Variants in MINDY3 observed in about 807,000 individuals in gnomAD.
MINDY3 encodes the protein MINDY lysine 48 deubiquitinase 3, also known as ubiquitin carboxyl-terminal hydrolase MINDY-3.
In MINDY3, 38 loss-of-function variants were observed where a neutral mutation model predicts 69.2. That is an observed-to-expected ratio of 0.55 (90% CI 0.42 to 0.72). MINDY3 has a LOEUF of 0.72. Ranked by LOEUF, MINDY3 falls within the 30% of genes least tolerant of loss-of-function variation. The pLI is 0.00. For synonymous variants in MINDY3, 192 were observed against 180.1 expected, an observed-to-expected ratio of 1.07 and a Z score of -0.53; for missense variants, 522 against 519.0, an observed-to-expected ratio of 1.01 and a Z score of -0.06.
At chr10:15,832,462 G>C (rs553544937) in intron 8 of MINDY3, among the ~76,000 whole-genome samples, 2 of 151,336 alleles carry the variant, frequency 1.3e-5, no homozygotes, top group South Asian at 4.2e-4. Flanking sequence ...TTTTTTCATT[G>C]ACAGGATTAA....
intron 11 of MINDY3, among the ~76,000 whole-genome samples, chr10:15,794,098 G>A (rs916393477): frequency 6.6e-6 from 1 of 152,006 alleles, no homozygotes; most frequent in Non-Finnish European, 1.5e-5. Context: ...GTGAGATAAA[G>A]ATATAAAAAT....
At chr10:15,788,229 C>T (rs1219923364) in intron 12 of MINDY3, among the ~76,000 whole-genome samples, 1 of 152,058 alleles carries the variant, frequency 6.6e-6, no homozygotes, top group Admixed American at 6.6e-5. Flanking sequence ...TACTATCATA[C>T]CATTTGTTGG....
chr10:15,791,489 C>T (rs1564459494), intron 11 of MINDY3, among the ~76,000 whole-genome samples: 1 of 151,788 alleles, frequency 6.6e-6, no homozygotes. Context: ...CTTGCATACA[C>T]TGGTAAATTA....
chr10:15,816,099 A>C (rs1403910764), intron 10 of MINDY3, among the ~76,000 whole-genome samples: 1 of 151,980 alleles, frequency 6.6e-6, no homozygotes, highest in East Asian at 1.9e-4. Flanking sequence ...AACTGTCTCT[A>C]CTAAAAACAC....
chr10:15,855,067 T>G (rs1834597176), intron 1 of MINDY3, among the ~76,000 whole-genome samples: 1 of 152,112 alleles, frequency 6.6e-6, no homozygotes, highest in South Asian at 2.1e-4. Context: ...CCTTAAAAAT[T>G]TAAATCATGT....
At chr10:15,828,726 TCTAA>T (rs1033091393) in intron 8 of MINDY3, among the ~76,000 whole-genome samples, 14 of 152,102 alleles carry the variant, frequency 9.2e-5, no homozygotes, top group African/African-American at 2.2e-4. Context: ...ATGGAAACAA[TCTAA>T]CTGTTTACCA....
chr10:15,782,284 A>G, intron 13 of MINDY3, 58 bp from the exon 14 acceptor site: 1 of 1,160,640 alleles, frequency 8.6e-7, no homozygotes, highest in Non-Finnish European at 1.2e-6. Flanking sequence ...GGCAATTTCT[A>G]ATCAACTGAA....
chr10:15,800,366 A>G (rs1838172094), intron 10 of MINDY3, among the ~76,000 whole-genome samples: 2 of 152,282 alleles, frequency 1.3e-5, no homozygotes, highest in African/African-American at 4.8e-5. Context: ...AGATCACAAC[A>G]GCATAAAATT....
chr10:15,785,949 G>T (rs1836927083), intron 13 of MINDY3, among the ~76,000 whole-genome samples: 1 of 152,120 alleles, frequency 6.6e-6, no homozygotes, highest in Admixed American at 6.5e-5. Flanking sequence ...TAAGTAATTT[G>T]ATTTAGTGGT....
intron 3 of MINDY3, 108 bp downstream of exon 3, chr10:15,843,104 A>G: frequency 1.1e-6 from 1 of 876,882 alleles, no homozygotes; most frequent in South Asian, 1.6e-5. Flanking sequence ...TTAAAAGGAA[A>G]CCTCAGGAAA....
rs142094639 is a variant in MINDY3 at position 15,783,931 on chromosome 10, A to G, written c.1117-1705T>C. On this transcript the variant is annotated intron_variant, in intron 13 of 14. Coordinates refer to ENST00000277632, the MANE Select transcript of MINDY3 (RefSeq NM_024948.4). ...ATAAAATACAGAAATACCAACAAAAAGTAGTGTAGCCCACTGGTAAAGTGC... is the reference window on the plus strand; with the variant it reads ...ATAAAATACAGAAATACCAACAAAAGGTAGTGTAGCCCACTGGTAAAGTGC... 5.4e-3 allele frequency among the ~76,000 whole-genome samples: 815 copies of G among 152,308 alleles called. 4 individuals carry two copies. Among genetic ancestry groups the G allele is most frequent in the African/African-American group, 0.018 (739 of 41,566 alleles).
chr10:15,800,057 G>T (rs1166503220), intron 10 of MINDY3, among the ~76,000 whole-genome samples: 1 of 151,982 alleles, frequency 6.6e-6, no homozygotes, highest in East Asian at 1.9e-4. Context: ...ACTTATATGT[G>T]AATTTTTTCT....
intron 8 of MINDY3, among the ~76,000 whole-genome samples, chr10:15,824,378 C>A (rs1588595720): frequency 6.6e-6 from 1 of 152,058 alleles, no homozygotes; most frequent in Non-Finnish European, 1.5e-5. Flanking sequence ...TGATGTTGAA[C>A]ATTTTTTCAT....
chr10:15,843,460 G>A (rs1189795132), intron 2 of MINDY3, among the ~76,000 whole-genome samples, 188 bp from the exon 3 acceptor site: 4 of 151,996 alleles, frequency 2.6e-5, no homozygotes. Context: ...AGAGTATACT[G>A]CTATAAACTT....
intron 3 of MINDY3, 53 bp from the exon 4 acceptor site, chr10:15,841,652 T>A (rs1833478465): frequency 1.7e-6 from 2 of 1,193,192 alleles, no homozygotes; most frequent in South Asian, 3.3e-5. Context: ...AAAAAAAAAA[T>A]TCTGTCATGA....
At chr10:15,784,216 G>C (rs1836776660) in intron 13 of MINDY3, among the ~76,000 whole-genome samples, 1 of 152,190 alleles carries the variant, frequency 6.6e-6, no homozygotes, top group African/African-American at 2.4e-5. Flanking sequence ...CTGATGGAGA[G>C]TATGTGCTTG....
intron 7 of MINDY3, among the ~76,000 whole-genome samples, chr10:15,834,221 C>T (rs1320733242): frequency 1.3e-5 from 2 of 151,886 alleles, no homozygotes; most frequent in Admixed American, 1.3e-4. Flanking sequence ...AGCAGAGAAG[C>T]ACTTACAAAG....
At chr10:15,841,855 A>G (rs911849127) in intron 3 of MINDY3, among the ~76,000 whole-genome samples, 4 of 151,780 alleles carry the variant, frequency 2.6e-5, no homozygotes, top group African/African-American at 9.7e-5. Context: ...AGAACTAAAC[A>G]TTATGAAAGA....
chr10:15,821,503 C>T (rs1199515930), intron 9 of MINDY3, among the ~76,000 whole-genome samples, 153 bp downstream of exon 9: 1 of 151,944 alleles, frequency 6.6e-6, no homozygotes, highest in African/African-American at 2.4e-5. Context: ...ACTTAATAAC[C>T]CTGCTGGTTT....
Sources: allele counts gnomAD v4.1 joint callset (sites outside exome capture counted in the v4.1 genomes callset), GRCh38; gene constraint gnomAD v4.1.1; transcripts MANE v1.5; gene names NCBI Gene and HGNC (gene_info 2026-07-23, HGNC 2026-07-21).